Variants in FHOD3 observed in about 807,000 individuals in gnomAD.
The protein encoded by FHOD3 is formin homology 2 domain containing 3, also known as FH1/FH2 domain-containing protein 3.
A neutral mutation model predicts 173.0 loss-of-function variants in FHOD3; 90 were observed. That is an observed-to-expected ratio of 0.52 (90% confidence interval 0.44 to 0.62). The LOEUF (loss-of-function observed/expected upper bound fraction) is 0.62, where lower values mean the gene tolerates loss of function less well. FHOD3 is among the 20% of genes least tolerant of loss of function. FHOD3 has a pLI of 0.00. For synonymous variants in FHOD3, 828 were observed against 823.0 expected, an observed-to-expected ratio of 1.01 and a Z score of -0.10; for missense variants, 1,945 against 2,034.7, an observed-to-expected ratio of 0.96 and a Z score of 0.85.
chr18:36,488,948 C>T lies in FHOD3; in HGVS notation c.338-12984C>T, dbSNP rs1041943929. Among the ~76,000 whole-genome samples the T allele has an allele frequency of 8.5e-5, 13 of 152,164 alleles. No individual in the cohort carries two copies. In the South Asian group the frequency reaches 1.0e-3, roughly 12 times the overall value. On this transcript the variant is annotated intron_variant, in intron 3 of 28. Coordinates refer to ENST00000590592, the MANE Select transcript of FHOD3 (RefSeq NM_001281740.3). The stretch of plus-strand genomic sequence containing the variant: ...GCAGGTGGGAGACAGGTTCAGGAGC[C>T]GAGGGTGGCAGGTTCTTTGAGCTGA...
At chr18:36,586,488 C>CTTT (rs34226186) in intron 6 of FHOD3, among the ~76,000 whole-genome samples, 1 of 147,096 alleles carries the variant, frequency 6.8e-6, no homozygotes, top group Non-Finnish European at 1.5e-5. Flanking sequence ...GTGCATGTTA[C>CTTT]TTTTTTTTTT....
Position 36,718,382 on chromosome 18 carries a change from C to CCCCCCT in FHOD3, c.3084_3085insCCCCCT (p.Thr1028_Phe1029insProPro). 1 of 1,495,074 alleles carries CCCCCCT rather than the reference C, an allele frequency of 6.7e-7. No individual in the cohort carries two copies. Among genetic ancestry groups the CCCCCCT allele is most frequent in the Non-Finnish European group, 8.9e-7 (1 of 1,117,478 alleles). The allele number at this position is 1,495,074 out of a possible 1,614,324, so 92.6% of individuals were successfully genotyped here. On this transcript the variant is annotated inframe_insertion, in exon 19 of 29. Coordinates refer to ENST00000590592, the MANE Select transcript of FHOD3 (RefSeq NM_001281740.3). ...GGCCACCTCCCCCACCCCCACCCACCTTTCTGGGTTTGCCGCCCCCACCCC... is the reference window on the plus strand; with the variant it reads ...GGCCACCTCCCCCACCCCCACCCACCCCCCCTTTTCTGGGTTTGCCGCCCCCACCCC...
intron 7 of FHOD3, among the ~76,000 whole-genome samples, chr18:36,601,746 G>A (rs189927236): frequency 9.8e-5 from 15 of 152,286 alleles, no homozygotes; most frequent in Admixed American, 3.3e-4. Context: ...GCTTCATGTC[G>A]CAAACCACCA....
intron 5 of FHOD3, among the ~76,000 whole-genome samples, chr18:36,576,240 G>A (rs1175210521): frequency 6.6e-6 from 1 of 152,198 alleles, no homozygotes; most frequent in African/African-American, 2.4e-5. Flanking sequence ...CATCTTCCGG[G>A]AGCCTGGAAT....
At chr18:36,642,954 A>G (rs569720716) in intron 10 of FHOD3, among the ~76,000 whole-genome samples, 61 of 151,758 alleles carry the variant, frequency 4.0e-4, no homozygotes, top group Admixed American at 7.2e-4. Context: ...TATTACACAC[A>G]TATGACACAT....
intron 5 of FHOD3, among the ~76,000 whole-genome samples, chr18:36,524,138 A>T: frequency 6.6e-6 from 1 of 151,988 alleles, no homozygotes; most frequent in East Asian, 1.9e-4. Flanking sequence ...AAAAATTAGC[A>T]GGGTGAGGTA....
At chr18:36,716,070 GT>G in intron 18 of FHOD3, among the ~76,000 whole-genome samples, 1 of 152,368 alleles carries the variant, frequency 6.6e-6, no homozygotes, top group East Asian at 1.9e-4. Context: ...TGAACGTCAT[GT>G]CATTGGCCTT....
At chr18:36,669,407 G>A (rs1372058697) in intron 14 of FHOD3, among the ~76,000 whole-genome samples, 1 of 151,538 alleles carries the variant, frequency 6.6e-6, no homozygotes, top group African/African-American at 2.4e-5. Flanking sequence ...CTTTTAATTG[G>A]AGTGTTTAAA....
chr18:36,500,706 T>C (rs1286209040), intron 3 of FHOD3, among the ~76,000 whole-genome samples: 1 of 152,244 alleles, frequency 6.6e-6, no homozygotes, highest in East Asian at 1.9e-4. Context: ...TAAATGGTGA[T>C]ACCAGGTTTG....
chr18:36,621,476 C>T (rs942179510), intron 9 of FHOD3, among the ~76,000 whole-genome samples: 18 of 152,166 alleles, frequency 1.2e-4, no homozygotes, highest in African/African-American at 4.3e-4. Flanking sequence ...TTTGAGTGAG[C>T]TGAGTGGTCT....
At chr18:36,684,761 C>T (rs116956555) in intron 15 of FHOD3, among the ~76,000 whole-genome samples, 1,749 of 152,220 alleles carry the variant, frequency 0.011, 12 homozygotes, top group Non-Finnish European at 0.018. Context: ...TCATCGGAGT[C>T]CCAGAAGTAT....
At chr18:36,349,258 A>G (rs1471773169) in intron 1 of FHOD3, among the ~76,000 whole-genome samples, 1 of 152,214 alleles carries the variant, frequency 6.6e-6, no homozygotes, top group Non-Finnish European at 1.5e-5. Context: ...CAGAGCTCCA[A>G]GAGCAGCAAG....
chr18:36,414,739 G>T (rs920118087), intron 3 of FHOD3, among the ~76,000 whole-genome samples: 7 of 152,198 alleles, frequency 4.6e-5, no homozygotes, highest in African/African-American at 1.7e-4. Context: ...GCTGAGCCTG[G>T]GTAGGACGTT....
At chr18:36,770,694 C>T (rs1567969292) in intron 28 of FHOD3, among the ~76,000 whole-genome samples, 1 of 152,158 alleles carries the variant, frequency 6.6e-6, no homozygotes, top group South Asian at 2.1e-4. Context: ...GCCCTTGGTA[C>T]ACACTGTGAG....
At position 36,512,532 on chromosome 18, in the gene FHOD3, A is replaced by C; in HGVS notation, c.500A>C (p.Tyr167Ser). The C allele has an allele frequency of 8.1e-6, 13 of 1,613,484 alleles. No homozygotes were observed. The highest frequency in any genetic ancestry group is 1.1e-5 in the Non-Finnish European group (13 of 1,179,488). ...GAEADQNYQN[Y>S]ILRALGQIML... ...GAGGCTGATCAGAACTATCAGAACT[A>C]CATCTTAAGGGGTAAGTCATGACTG... Residue 167 changes from tyrosine to serine, a missense_variant, in exon 5 of 29, where the codon TAC (tyrosine) becomes TCC (serine). Physicochemically the swap from Tyr to Ser is moderately radical, Grantham distance 144. Transcript: ENST00000590592.
intron 6 of FHOD3, among the ~76,000 whole-genome samples, chr18:36,577,462 G>A (rs2058698379): frequency 6.6e-6 from 1 of 151,996 alleles, no homozygotes; most frequent in Non-Finnish European, 1.5e-5. Flanking sequence ...CACCACCCTG[G>A]GCTAATTTTT....
At chr18:36,430,717 G>A (rs1398955) in intron 3 of FHOD3, among the ~76,000 whole-genome samples, 41,186 of 152,080 alleles carry the variant, frequency 0.27, 5,885 homozygotes, top group South Asian at 0.41. Flanking sequence ...TACTAAGCCA[G>A]CCTCATATTG....
At chr18:36,657,752 G>A (rs772167124) in intron 13 of FHOD3, among the ~76,000 whole-genome samples, 7 of 152,210 alleles carry the variant, frequency 4.6e-5, no homozygotes, top group African/African-American at 9.6e-5. Flanking sequence ...TGGTTCAAGT[G>A]AAATTGATTT....
chr18:36,302,777 A>G (rs2091988306), intron 1 of FHOD3, among the ~76,000 whole-genome samples: 1 of 152,252 alleles, frequency 6.6e-6, no homozygotes, highest in South Asian at 2.1e-4. Flanking sequence ...AAACTTGGCA[A>G]GTGTGTTGTG....
Sources: gnomAD v4.1 joint callset for allele counts (sites outside exome capture counted in the v4.1 genomes callset) on GRCh38, gnomAD v4.1.1 for gene constraint, MANE v1.5 for transcripts, NCBI Gene and HGNC (gene_info 2026-07-23, HGNC 2026-07-21) for gene names.